Variants in CARMIL1 observed in about 807,000 individuals in gnomAD.
CARMIL1 encodes F-actin-uncapping protein LRRC16A.
A neutral mutation model predicts 177.1 loss-of-function variants in CARMIL1; 90 were observed. The observed-to-expected ratio is 0.51, with a 90% confidence interval of 0.43 to 0.61. The LOEUF is 0.61. CARMIL1 is among the 20% of genes least tolerant of loss of function. The pLI, the probability that CARMIL1 is intolerant of heterozygous loss-of-function variation, is 0.00. For synonymous variants in CARMIL1, 577 were observed against 606.2 expected, an observed-to-expected ratio of 0.95 and a Z score of 0.71; for missense variants, 1,380 against 1,667.0, an observed-to-expected ratio of 0.83 and a Z score of 3.00.
intron 5 of CARMIL1, among the ~76,000 whole-genome samples, chr6:25,440,929 G>A (rs1797689548): frequency 6.6e-6 from 1 of 151,994 alleles, no homozygotes; most frequent in South Asian, 2.1e-4. Context: ...GGAGGTATTA[G>A]GAACCAGGTG....
At chr6:25,479,970 T>C (rs1032909464) in intron 11 of CARMIL1, among the ~76,000 whole-genome samples, 1 of 152,148 alleles carries the variant, frequency 6.6e-6, no homozygotes, top group African/African-American at 2.4e-5. Flanking sequence ...ATCTTATTGT[T>C]ATAATTCCTA....
intron 20 of CARMIL1, among the ~76,000 whole-genome samples, chr6:25,511,144 C>G (rs569445262): frequency 3.9e-4 from 60 of 152,166 alleles, no homozygotes; most frequent in African/African-American, 1.4e-3. Flanking sequence ...TATCATATTG[C>G]TAATTTGAAT....
chr6:25,398,939 C>G (rs1793659311), intron 2 of CARMIL1, among the ~76,000 whole-genome samples: 1 of 152,142 alleles, frequency 6.6e-6, no homozygotes, highest in Non-Finnish European at 1.5e-5. Context: ...CTCTTTGAGT[C>G]TTGGTTTCCT....
chr6:25,520,934 G>T (rs1195456080), intron 23 of CARMIL1, among the ~76,000 whole-genome samples: 1 of 151,730 alleles, frequency 6.6e-6, no homozygotes, highest in Non-Finnish European at 1.5e-5. Context: ...TCTTTTTATG[G>T]CCACCTTTCT....
chr6:25,588,189 A>G (rs1312181503), intron 31 of CARMIL1, among the ~76,000 whole-genome samples: 2 of 152,222 alleles, frequency 1.3e-5, no homozygotes, highest in Non-Finnish European at 1.5e-5. Flanking sequence ...GGATTTTTGT[A>G]TCCTCAAGCG....
chr6:25,533,538 T>C (rs1259977291), intron 24 of CARMIL1, among the ~76,000 whole-genome samples: 1 of 152,208 alleles, frequency 6.6e-6, no homozygotes, highest in Admixed American at 6.5e-5. Context: ...TTTTTTTGGC[T>C]GTTATTTTTA....
intron 36 of CARMIL1, among the ~76,000 whole-genome samples, chr6:25,616,468 G>A (rs567857598): frequency 3.3e-5 from 5 of 152,260 alleles, no homozygotes; most frequent in East Asian, 1.9e-4. Context: ...CTGCTACTCT[G>A]GAAGCTGAGA....
At chr6:25,408,523 T>G (rs533556731) in intron 2 of CARMIL1, among the ~76,000 whole-genome samples, 232 of 152,296 alleles carry the variant, frequency 1.5e-3, no homozygotes, top group African/African-American at 5.3e-3. Flanking sequence ...TATTACCTTC[T>G]TTAATCCTTA....
intron 2 of CARMIL1, chr6:25,388,323 A>G (rs1459879281): frequency 6.6e-6 from 1 of 152,050 alleles, no homozygotes; most frequent in African/African-American, 2.4e-5. Context: ...CACACACAAC[A>G]GTTTTATTAT....
chr6:25,588,126 G>T (rs1813936494), intron 31 of CARMIL1, among the ~76,000 whole-genome samples: 1 of 152,162 alleles, frequency 6.6e-6, no homozygotes, highest in South Asian at 2.1e-4. Context: ...GAGGATGTTT[G>T]TAGGTTATAT....
intron 2 of CARMIL1, among the ~76,000 whole-genome samples, chr6:25,413,081 C>T (rs1219595541): frequency 2.0e-5 from 3 of 152,142 alleles, no homozygotes; most frequent in Non-Finnish European, 4.4e-5. Flanking sequence ...GCAAAAGTCC[C>T]TTATCATCTG....
At position 25,515,787 on chromosome 6, in the gene CARMIL1, G is replaced by A. The variant is rs749916463; in HGVS notation, c.1745G>A (p.Gly582Glu). ...ACCAAAGTGGACATTAGCGGCAACG[G>A]AATGGGGGACATGGGAGCGAAGATG... is the stretch of plus-strand genomic sequence containing the variant. ...SLTKVDISGN[G>E]MGDMGAKMLA... Residue 582 changes from glycine to glutamate, a missense_variant, in exon 21 of 37, where the codon GGA becomes GAA. Gly to Glu is a moderately conservative substitution (Grantham distance 98). Transcript: ENST00000329474. The surrounding 1 kb of genome is among the most constrained non-coding windows in gnomAD (Gnocchi z 5.0). The A allele has an allele frequency of 2.5e-6, 4 of 1,611,988 alleles. No homozygotes were observed. Among genetic ancestry groups the A allele is most frequent in the Non-Finnish European group, 3.4e-6 (4 of 1,179,190 alleles).
At position 25,577,581 on chromosome 6, in the gene CARMIL1, G is replaced by C. The variant is rs190839213; in HGVS notation, c.2743-3343G>C. ...CAAAGCACCTCTTTCTATTTTTATG[G>C]TGACTTAAGCAACTTGACTCTCATT... On this transcript the variant is annotated intron_variant, in intron 29 of 36. Transcript: ENST00000329474. This position sits in a 1 kb window ranked among gnomAD's most constrained non-coding sequence, Gnocchi z 4.5. 6.6e-4 allele frequency among the ~76,000 whole-genome samples: 100 copies of C among 151,774 alleles called. No individual in the cohort carries two copies. Among genetic ancestry groups the C allele is most frequent in the Admixed American group, 1.6e-3 (24 of 15,242 alleles).
chr6:25,524,785 GA>G (rs1005638395), intron 23 of CARMIL1, among the ~76,000 whole-genome samples: 3 of 150,638 alleles, frequency 2.0e-5, no homozygotes, highest in African/African-American at 4.9e-5. Flanking sequence ...AAGCTCTTAA[GA>G]AAAAAAAATT....
At chr6:25,450,046 C>A in intron 6 of CARMIL1, 51 bp downstream of exon 6, 1 of 1,444,130 alleles carries the variant, frequency 6.9e-7, no homozygotes. Flanking sequence ...GGATATCCCC[C>A]TGCCAGGAAG....
intron 2 of CARMIL1, among the ~76,000 whole-genome samples, chr6:25,322,131 T>C (rs2150242593): frequency 6.6e-6 from 1 of 151,494 alleles, no homozygotes; most frequent in East Asian, 2.0e-4. Flanking sequence ...TGTTTTTGTT[T>C]TTGTTTTTTG....
chr6:25,390,320 A>ATATATATATATATATTTTTT (rs1554184839), intron 2 of CARMIL1, among the ~76,000 whole-genome samples: 1 of 58,104 alleles, frequency 1.7e-5, no homozygotes, highest in Non-Finnish European at 3.3e-5. Flanking sequence ...ATATATATAT[A>ATATATATATATATATTTTTT]TTTTTTTTTT....
chr6:25,571,575 T>TA (rs1812069427), intron 29 of CARMIL1, among the ~76,000 whole-genome samples: 1 of 152,226 alleles, frequency 6.6e-6, no homozygotes, highest in African/African-American at 2.4e-5. Context: ...ACCAAGGGAA[T>TA]TAATACTTTA....
chr6:25,488,325 A>G (rs549679662), intron 12 of CARMIL1, among the ~76,000 whole-genome samples, 157 bp from the exon 13 acceptor site: 66 of 152,312 alleles, frequency 4.3e-4, no homozygotes, highest in Non-Finnish European at 7.5e-4. Context: ...AGGGTGTATC[A>G]AAAGGAGACA....
Sources: allele counts gnomAD v4.1 joint callset (sites outside exome capture counted in the v4.1 genomes callset), GRCh38; gene constraint gnomAD v4.1.1; non-coding constraint Gnocchi (gnomAD v3.1); transcripts MANE v1.5; gene names NCBI Gene and HGNC (gene_info 2026-07-23, HGNC 2026-07-21).